LRRC74B: variants seen among roughly 807,000 people sequenced by gnomAD.
LRRC74B encodes leucine-rich repeat-containing protein 74B.
In LRRC74B, 30 loss-of-function variants were observed where a neutral mutation model predicts 16.6. That is an observed-to-expected ratio of 1.80 (90% CI 1.35 to 2.45). The LOEUF (loss-of-function observed/expected upper bound fraction) is 2.45. Ranked by LOEUF, LRRC74B falls within the 30% of genes most tolerant of loss-of-function variation. LRRC74B has a pLI of 0.00. For synonymous variants in LRRC74B, 134 were observed against 86.0 expected, an observed-to-expected ratio of 1.56 and a Z score of -3.09; for missense variants, 326 against 202.4, an observed-to-expected ratio of 1.61 and a Z score of -3.71.
At chr22:21,054,782 C>T (rs1268575957) in intron 6 of LRRC74B, among the ~76,000 whole-genome samples, 2 of 152,202 alleles carry the variant, frequency 1.3e-5, no homozygotes, top group African/African-American at 2.4e-5. Flanking sequence ...CTGGAACAGG[C>T]GTTGTAATGG....
intron 5 of LRRC74B, among the ~76,000 whole-genome samples, chr22:21,052,900 G>C (rs112618449): frequency 6.6e-6 from 1 of 152,138 alleles, no homozygotes; most frequent in Non-Finnish European, 1.5e-5. Context: ...TGACCTTGGG[G>C]TCCTGCCCCA....
At chr22:21,048,879 T>G in intron 3 of LRRC74B, 72 bp from the exon 4 acceptor site, 1 of 690,828 alleles carries the variant, frequency 1.4e-6, no homozygotes, top group African/African-American at 1.8e-5. Context: ...ACCTGGAGGT[T>G]TGGGGGATGG....
At chr22:21,049,669 G>A (rs1352620873) in intron 4 of LRRC74B, among the ~76,000 whole-genome samples, 14 of 151,814 alleles carry the variant, frequency 9.2e-5, no homozygotes, top group South Asian at 4.2e-4. Context: ...CCAGACTGGC[G>A]GACAGCAGTG....
intron 3 of LRRC74B, 37 bp downstream of exon 3, chr22:21,048,053 C>T (rs1417763903): frequency 2.8e-6 from 2 of 715,968 alleles, no homozygotes; most frequent in African/African-American, 3.5e-5. Context: ...GCAGGCGTGT[C>T]CTCCTTTTCC....
intron 6 of LRRC74B, 51 bp from the exon 7 acceptor site, chr22:21,055,047 A>G (rs1930385002): frequency 1.4e-6 from 1 of 711,362 alleles, no homozygotes; most frequent in Non-Finnish European, 2.6e-6. Flanking sequence ...TGGGCTCTGC[A>G]CCGCTGCTTG....
intron 1 of LRRC74B, 146 bp downstream of exon 1, chr22:21,046,271 C>G (rs578106484): frequency 3.3e-6 from 2 of 606,884 alleles, no homozygotes; most frequent in East Asian, 5.5e-5. Flanking sequence ...CTTCATTGCT[C>G]CTGGAAGCAT....
intron 8 of LRRC74B, among the ~76,000 whole-genome samples, chr22:21,059,154 G>A (rs1272513933): frequency 2.6e-5 from 4 of 152,082 alleles, no homozygotes; most frequent in East Asian, 3.9e-4. Context: ...TTGGGAGGCC[G>A]AGGCAGGCAG....
intron 7 of LRRC74B, 195 bp from the exon 8 acceptor site, chr22:21,056,910 C>T (rs1930564789): frequency 5.2e-6 from 3 of 581,790 alleles, no homozygotes; most frequent in African/African-American, 3.8e-5. Context: ...GAGGCCTCTC[C>T]CTTCCTTTCT....
rs1353497803 is a variant in LRRC74B, at chr22:21,048,080, A to G, written c.415+64A>G. On this transcript the variant is annotated intron_variant, in intron 3 of 8. Coordinates refer to ENST00000442047, the Ensembl canonical transcript of LRRC74B. ...TCCTTTTCCTCAGGGATGTGCCTCC[A>G]TCGTTGAAAGCTGGGCCGTGTCACC... is the stretch of plus-strand genomic sequence containing the variant. The G allele has an allele frequency of 1.8e-5, 13 of 711,452 alleles. No homozygotes were observed. The Admixed American group carries it at 2.6e-4, about 14-fold the overall frequency. The allele number at this position is 711,452 out of a possible 1,614,324, so 44.1% of individuals were successfully genotyped here.
intron 4 of LRRC74B, among the ~76,000 whole-genome samples, chr22:21,050,169 T>TG (rs1419049046): frequency 6.6e-6 from 1 of 152,154 alleles, no homozygotes; most frequent in African/African-American, 2.4e-5. Flanking sequence ...CCTGAGTAGC[T>TG]GGGATTACAG....
chr22:21,059,908 GAAC>G (rs1160891490), intron 8 of LRRC74B, among the ~76,000 whole-genome samples: 1 of 151,628 alleles, frequency 6.6e-6, no homozygotes, highest in African/African-American at 2.4e-5. Context: ...TTTAATTGAG[GAAC>G]AACATCTATG....
chr22:21,055,268 A>G, intron 7 of LRRC74B, 92 bp downstream of exon 7: 1 of 670,788 alleles, frequency 1.5e-6, no homozygotes, highest in East Asian at 2.7e-5. Context: ...ACCCAGGGGC[A>G]GCAGGCAGGT....
downstream of LRRC74B, among the ~76,000 whole-genome samples, chr22:21,061,253 G>A (rs948412616): frequency 1.3e-5 from 2 of 152,012 alleles, no homozygotes; most frequent in African/African-American, 4.8e-5. Flanking sequence ...CTTGAATCCT[G>A]GAGGTGGAGG....
At chr22:21,052,445 G>A (rs1163213153) in intron 5 of LRRC74B, 87 bp downstream of exon 5, 8 of 694,928 alleles carry the variant, frequency 1.2e-5, no homozygotes, top group East Asian at 1.1e-4. Flanking sequence ...GCAGCTCCTC[G>A]GAAATGAACC....
At chr22:21,053,008 T>C (rs1033616568) in intron 5 of LRRC74B, among the ~76,000 whole-genome samples, 14 of 152,222 alleles carry the variant, frequency 9.2e-5, no homozygotes, top group South Asian at 6.2e-4. Context: ...TCACTGGATC[T>C]TGGGATCCCT....
chr22:21,047,209 C>A, intron 1 of LRRC74B, 147 bp from the exon 2 acceptor site: 2 of 579,538 alleles, frequency 3.5e-6, no homozygotes, highest in Non-Finnish European at 6.3e-6. Flanking sequence ...ATGTCCTCAT[C>A]TGTCATATGG....
intron 1 of LRRC74B, among the ~76,000 whole-genome samples, chr22:21,046,434 T>A (rs1159732212): frequency 1.3e-5 from 2 of 152,138 alleles, no homozygotes; most frequent in East Asian, 1.9e-4. Context: ...CCGTAAAATG[T>A]TTACAAAACA....
At chr22:21,052,169 C>T (rs1205842677) in intron 4 of LRRC74B, 80 bp from the exon 5 acceptor site, 15 of 701,640 alleles carry the variant, frequency 2.1e-5, no homozygotes, top group Admixed American at 4.0e-5. Flanking sequence ...AGCAGAGGCT[C>T]GGCACGCAGT....
intron 1 of LRRC74B, among the ~76,000 whole-genome samples, chr22:21,046,504 A>G (rs2148129422): frequency 6.6e-6 from 1 of 152,358 alleles, no homozygotes; most frequent in Non-Finnish European, 1.5e-5. Context: ...AGACAGGCAG[A>G]GGCCTGACTC....
Sources: gnomAD v4.1 joint callset for allele counts (sites outside exome capture counted in the v4.1 genomes callset) on GRCh38, gnomAD v4.1.1 for gene constraint, MANE v1.5 for transcripts, NCBI Gene and HGNC (gene_info 2026-07-23, HGNC 2026-07-21) for gene names.